The following PRKG1 variants were observed in gnomAD, a reference collection of about 807,000 sequenced individuals.
PRKG1 encodes protein kinase cGMP-dependent 1, also known as cGMP-dependent protein kinase 1.
PRKG1 carries 35 observed loss-of-function variants against 88.1 expected under a neutral mutation model. That is an observed-to-expected ratio of 0.40 (90% CI 0.30 to 0.53). PRKG1 has a LOEUF of 0.53. PRKG1 is among the 20% of genes least tolerant of loss of function. The pLI is 0.59. For synonymous variants in PRKG1, 303 were observed against 292.5 expected (o/e 1.04, Z -0.37); for missense variants, 540 against 839.8 (o/e 0.64, Z 4.41).
At chr10:51,360,666 C>G (rs2132585751) in intron 2 of PRKG1, among the ~76,000 whole-genome samples, 1 of 151,934 alleles carries the variant, frequency 6.6e-6, no homozygotes, top group Middle Eastern at 3.4e-3. Context: ...ACTGTACTAC[C>G]CACAGGCTTG....
intron 3 of PRKG1, among the ~76,000 whole-genome samples, chr10:51,768,005 T>C (rs1190071424): frequency 3.3e-5 from 5 of 149,666 alleles, no homozygotes; most frequent in South Asian, 2.1e-4. Flanking sequence ...ATTTTGCTGT[T>C]AATTAAAAAA....
At chr10:51,657,889 C>G (rs760886906) in intron 3 of PRKG1, among the ~76,000 whole-genome samples, 4 of 152,076 alleles carry the variant, frequency 2.6e-5, no homozygotes, top group Non-Finnish European at 5.9e-5. Flanking sequence ...CTCCAGGGTA[C>G]TGGGCTCCAG....
At chr10:51,095,199 G>C (rs1844498452) in intron 1 of PRKG1, among the ~76,000 whole-genome samples, 1 of 152,104 alleles carries the variant, frequency 6.6e-6, no homozygotes, top group Non-Finnish European at 1.5e-5. Flanking sequence ...TTAATATCTA[G>C]TTCTGTACTC....
chr10:51,061,394 T>C (rs191690221), intron 1 of PRKG1, among the ~76,000 whole-genome samples: 208 of 152,264 alleles, frequency 1.4e-3, no homozygotes, highest in African/African-American at 4.5e-3. Flanking sequence ...ACGGGAATTA[T>C]GGGAGCTACA....
rs192255358 is a variant in PRKG1 at position 51,687,231 on chromosome 10, C to A, written c.593-117354C>A. Among the ~76,000 whole-genome samples the A allele has an allele frequency of 3.9e-5, 6 of 152,284 alleles. No homozygotes were observed. In the East Asian group the frequency reaches 1.2e-3, roughly 29 times the overall value. Reference sequence around the variant, plus strand: ...TCTTAATTATGATTAGGTTCAAAGACAAGGTTAAAAGCACAAATTGCAGTA... The same window carrying A: ...TCTTAATTATGATTAGGTTCAAAGAAAAGGTTAAAAGCACAAATTGCAGTA... On this transcript the variant is annotated intron_variant, in intron 3 of 17. Coordinates refer to ENST00000373980, the MANE Select transcript of PRKG1 (RefSeq NM_006258.4).
chr10:51,295,545 A>G (rs2132229370), intron 2 of PRKG1, among the ~76,000 whole-genome samples: 1 of 152,004 alleles, frequency 6.6e-6, no homozygotes, highest in East Asian at 1.9e-4. Flanking sequence ...TAGTCTATAG[A>G]GTTTTCTACA....
At chr10:52,037,037 G>A (rs898237273) in intron 5 of PRKG1, among the ~76,000 whole-genome samples, 82 of 152,390 alleles carry the variant, frequency 5.4e-4, no homozygotes, top group African/African-American at 1.9e-3. Flanking sequence ...GTCTTCAGCC[G>A]CTAAGCCGAG....
At chr10:51,371,768 A>G (rs1220699172) in intron 2 of PRKG1, among the ~76,000 whole-genome samples, 1 of 152,142 alleles carries the variant, frequency 6.6e-6, no homozygotes, top group Non-Finnish European at 1.5e-5. Context: ...AGTCACCATC[A>G]TCAACCCCTT....
intron 2 of PRKG1, among the ~76,000 whole-genome samples, chr10:51,301,141 G>T (rs1331183741): frequency 6.6e-6 from 1 of 152,160 alleles, no homozygotes; most frequent in East Asian, 1.9e-4. Flanking sequence ...ATTAGTGAAA[G>T]AAACTGGCCG....
chr10:51,699,137 T>G, intron 3 of PRKG1: 1 of 1,614,186 alleles, frequency 6.2e-7, no homozygotes, highest in East Asian at 2.2e-5. Context: ...AAACATCTGC[T>G]CCGGGGGGAG....
intron 2 of PRKG1, among the ~76,000 whole-genome samples, chr10:51,411,924 C>T (rs1335164585): frequency 6.6e-6 from 1 of 151,952 alleles, no homozygotes; most frequent in African/African-American, 2.4e-5. Context: ...AACGGCAGCA[C>T]TGAAATAAAA....
intron 2 of PRKG1, among the ~76,000 whole-genome samples, chr10:51,279,498 T>A (rs1379377639): frequency 1.3e-5 from 2 of 152,202 alleles, no homozygotes; most frequent in African/African-American, 2.4e-5. Flanking sequence ...CCCATTATTA[T>A]TGTGTGGGAG....
intron 9 of PRKG1, among the ~76,000 whole-genome samples, chr10:52,180,940 C>T (rs1839008354): frequency 6.6e-6 from 1 of 152,190 alleles, no homozygotes; most frequent in South Asian, 2.1e-4. Context: ...GGCTTCTCAG[C>T]TGGCCTGAGT....
At chr10:52,188,292 ATATATATATG>A (rs1839268239) in intron 9 of PRKG1, among the ~76,000 whole-genome samples, 6 of 34,874 alleles carry the variant, frequency 1.7e-4, no homozygotes, top group African/African-American at 4.0e-4. Flanking sequence ...ATATATGTGT[ATATATATATG>A]TATATATATA....
chr10:51,454,612 CAT>C (rs1839528656), intron 2 of PRKG1, among the ~76,000 whole-genome samples: 1 of 152,114 alleles, frequency 6.6e-6, no homozygotes, highest in African/African-American at 2.4e-5. Context: ...GGGGAGGCCT[CAT>C]AATCATGGTG....
chr10:51,154,012 A>G (rs901178189), intron 2 of PRKG1, among the ~76,000 whole-genome samples: 3 of 152,020 alleles, frequency 2.0e-5, no homozygotes, highest in African/African-American at 7.2e-5. Flanking sequence ...GCTTGAGATA[A>G]TGACTGAATC....
rs895637122 is a variant in PRKG1 at position 52,238,626 on chromosome 10, A to G, written c.1077-12944A>G. On this transcript the variant is annotated intron_variant, in intron 9 of 17. Transcript: ENST00000373980. ...CAAATCAAAACCACTATGAAATACC[A>G]TCTCACACCAGTTAGAATGGCAATC... 1.3e-5 allele frequency among the ~76,000 whole-genome samples: 2 copies of G among 149,986 alleles called. 1 individual carries two copies. The highest frequency in any genetic ancestry group is 4.9e-4 in the East Asian group (2 of 4,120).
chr10:51,041,776 G>A (rs947885488), intron 1 of PRKG1, among the ~76,000 whole-genome samples: 1 of 152,166 alleles, frequency 6.6e-6, no homozygotes, highest in African/African-American at 2.4e-5. Context: ...CTGAGAAAGG[G>A]CATGGTTATG....
chr10:52,041,930 A>G, intron 5 of PRKG1, among the ~76,000 whole-genome samples: 1 of 152,094 alleles, frequency 6.6e-6, no homozygotes, highest in East Asian at 1.9e-4. Context: ...AAAAAGAAAT[A>G]AAGAAATCTC....
Sources: gnomAD v4.1 joint callset for allele counts (sites outside exome capture counted in the v4.1 genomes callset) on GRCh38, gnomAD v4.1.1 for gene constraint, MANE v1.5 for transcripts, NCBI Gene and HGNC (gene_info 2026-07-23, HGNC 2026-07-21) for gene names.